The following ADGRV1 variants were observed in gnomAD, a reference collection of about 807,000 sequenced individuals.
ADGRV1 encodes the protein G-protein coupled receptor 98.
A neutral mutation model predicts 596.2 loss-of-function variants in ADGRV1; 359 were observed. The observed-to-expected ratio is 0.60, with a 90% CI of 0.55 to 0.66. The LOEUF (loss-of-function observed/expected upper bound fraction) is 0.66, where lower values mean the gene tolerates loss of function less well. ADGRV1 is among the 30% of genes least tolerant of loss of function. The pLI, the probability that ADGRV1 is intolerant of heterozygous loss-of-function variation, is 0.00. For missense variants in ADGRV1, 7,274 were observed against 7,575.6 expected (o/e 0.96, Z 1.48); for synonymous variants, 2,681 against 2,679.2 (o/e 1.00, Z -0.02).
chr5:90,911,452 A>G (rs370106817), intron 83 of ADGRV1, among the ~76,000 whole-genome samples: 1 of 152,308 alleles, frequency 6.6e-6, no homozygotes, highest in East Asian at 1.9e-4. Flanking sequence ...AAGGTCATTA[A>G]AAGATGTGAT....
rs1766283296 is a variant in ADGRV1, at chr5:90,849,644, C to T, written c.17204+823C>T. Among the ~76,000 whole-genome samples, 4 of 152,172 alleles carry T rather than the reference C, an allele frequency of 2.6e-5. No homozygotes were observed. The South Asian group carries it at 8.3e-4, about 31-fold the overall frequency. On this transcript the variant is annotated intron_variant, in intron 79 of 89. Transcript: ENST00000405460. ...GGCTCAAGCGATCCACCTGTCTTGG[C>T]TTCCCAAAATGCTGGGATTACAAGC...
intron 41 of ADGRV1, 86 bp downstream of exon 41, chr5:90,711,408 T>A: frequency 1.0e-6 from 1 of 963,520 alleles, no homozygotes. Context: ...TTAGGTCCCA[T>A]ATAAATAAAT....
rs539838876 is a variant in ADGRV1 at position 91,164,066 on chromosome 5, A to G, written c.*166A>G. 1.5e-5 allele frequency: 10 copies of G among 689,422 alleles called. No homozygotes were observed. Among genetic ancestry groups the G allele is most frequent in the Middle Eastern group, 3.5e-4 (1 of 2,858 alleles). The allele number at this position is 689,422 out of a possible 1,614,324, so 42.7% of individuals were successfully genotyped here. A position where few individuals can be genotyped will look rare whatever the true frequency, so the allele number is the denominator to read the frequency against. The stretch of plus-strand genomic sequence containing the variant: ...GAGTATAAATTACTGATTGTATGTG[A>G]CCTGAAAATTCACTGCTATAAGAAA... On this transcript the variant is annotated 3_prime_UTR_variant, in exon 90 of 90. Coordinates refer to ENST00000405460, the MANE Select transcript of ADGRV1 (RefSeq NM_032119.4).
chr5:90,936,401 A>T (rs1035588964), intron 83 of ADGRV1, among the ~76,000 whole-genome samples: 1 of 152,094 alleles, frequency 6.6e-6, no homozygotes, highest in African/African-American at 2.4e-5. Context: ...TAGGATTTTT[A>T]AAAAATGACA....
At chr5:90,745,927 C>T in intron 52 of ADGRV1, 132 bp downstream of exon 52, 1 of 604,984 alleles carries the variant, frequency 1.7e-6, no homozygotes, top group Admixed American at 2.9e-5. Flanking sequence ...CTTTCCCCTG[C>T]CTCCCTTTTA....
chr5:91,074,508 G>A (rs1788676842), intron 86 of ADGRV1, among the ~76,000 whole-genome samples: 1 of 151,960 alleles, frequency 6.6e-6, no homozygotes. Context: ...AGATGATCTC[G>A]GTTTTTTATG....
chr5:90,939,995 A>T (rs1304672617), intron 83 of ADGRV1, among the ~76,000 whole-genome samples: 1 of 152,216 alleles, frequency 6.6e-6, no homozygotes, highest in Non-Finnish European at 1.5e-5. Context: ...ATCTTCACAT[A>T]GTTCAGAAAT....
intron 54 of ADGRV1, 98 bp from the exon 55 acceptor site, chr5:90,754,885 C>G (rs1459790644): frequency 7.5e-6 from 6 of 802,644 alleles, no homozygotes; most frequent in Admixed American, 2.1e-5. Flanking sequence ...CCTTAACTGT[C>G]TACAAGGGAT....
chr5:90,810,360 C>T lies in ADGRV1; in HGVS notation c.15100C>T (p.His5034Tyr). Reference sequence around the variant, plus strand: ...ACATGTACAAAGACTATTTGGGTTCCACAGCGATCTTATTAAAGTTTCTTA... The same window carrying T: ...ACATGTACAAAGACTATTTGGGTTCTACAGCGATCTTATTAAAGTTTCTTA... ...RLHVQRLFGFHSDLIKVSYQT... is the reference protein window; with the variant it reads ...RLHVQRLFGFYSDLIKVSYQT... The change falls in exon 74 of 90, where the codon CAC becomes TAC. Residue 5034 changes from histidine to tyrosine, a missense_variant. His to Tyr is a moderately conservative substitution (Grantham distance 83, BLOSUM62 2). Around this residue, in one of 5 missense-constraint regions of ADGRV1, gnomAD observed 1,874 missense variants for 1,970.2 expected, o/e 0.95. Transcript: ENST00000405460. 1.2e-6 allele frequency: 2 copies of T among 1,613,544 alleles called. No homozygotes were observed. Among genetic ancestry groups the T allele is most frequent in the Non-Finnish European group, 1.7e-6 (2 of 1,179,762 alleles).
At position 91,037,608 on chromosome 5, in the gene ADGRV1, A is replaced by T. The variant is rs550209210; in HGVS notation, c.18153-34839A>T. 3.4e-4 allele frequency among the ~76,000 whole-genome samples: 52 copies of T among 152,358 alleles called. 1 individual carries two copies. The South Asian group carries it at 9.5e-3, about 28-fold the overall frequency. ...CCTTCAAGGAGCTAACAGTCTGGTGATAGTGACAGGCTTTAAACAGATAAG... is the reference window on the plus strand; with the variant it reads ...CCTTCAAGGAGCTAACAGTCTGGTGTTAGTGACAGGCTTTAAACAGATAAG... On this transcript the variant is annotated intron_variant, in intron 85 of 89. Transcript: ENST00000405460.
intron 77 of ADGRV1, among the ~76,000 whole-genome samples, chr5:90,836,618 C>T (rs1320277808): frequency 1.3e-5 from 2 of 152,038 alleles, no homozygotes; most frequent in Non-Finnish European, 2.9e-5. Context: ...AGTTAACATG[C>T]AGAATTCTTA....
chr5:90,857,541 A>G (rs976809928), intron 82 of ADGRV1, among the ~76,000 whole-genome samples: 2 of 152,118 alleles, frequency 1.3e-5, no homozygotes, highest in African/African-American at 4.8e-5. Context: ...GGCTACATGG[A>G]TTTGCTCATG....
At chr5:90,691,207 C>A in intron 31 of ADGRV1, 166 bp downstream of exon 31, 1 of 878,786 alleles carries the variant, frequency 1.1e-6, no homozygotes, top group Non-Finnish European at 1.8e-6. Flanking sequence ...TTGACAAAAG[C>A]AGGAATATTC....
intron 85 of ADGRV1, among the ~76,000 whole-genome samples, chr5:91,013,134 G>A (rs1454779557): frequency 6.6e-6 from 1 of 151,978 alleles, no homozygotes; most frequent in Non-Finnish European, 1.5e-5. Flanking sequence ...GTCATTGATG[G>A]CATTTAGGTT....
intron 83 of ADGRV1, among the ~76,000 whole-genome samples, chr5:90,924,375 T>C (rs1471852035): frequency 6.6e-6 from 1 of 152,086 alleles, no homozygotes; most frequent in African/African-American, 2.4e-5. Flanking sequence ...ATTTCTCTGA[T>C]GGCCAGTGAT....
At chr5:90,907,570 G>A (rs1772442650) in intron 83 of ADGRV1, among the ~76,000 whole-genome samples, 1 of 151,758 alleles carries the variant, frequency 6.6e-6, no homozygotes, top group Non-Finnish European at 1.5e-5. Context: ...TTTCCTTGTG[G>A]ATTCCGCAAT....
At chr5:90,910,637 G>A (rs768233410) in intron 83 of ADGRV1, among the ~76,000 whole-genome samples, 8 of 150,930 alleles carry the variant, frequency 5.3e-5, no homozygotes, top group Non-Finnish European at 1.0e-4. Context: ...TTAATTTTGA[G>A]AATAAACATA....
chr5:90,595,704 C>T (rs1404926938), intron 1 of ADGRV1, among the ~76,000 whole-genome samples: 10 of 133,706 alleles, frequency 7.5e-5, no homozygotes, highest in Middle Eastern at 4.5e-3. Context: ...GCTGGCCAGG[C>T]AGAGGGGCTC....
chr5:91,018,643 A>G (rs1783375515), intron 85 of ADGRV1, among the ~76,000 whole-genome samples: 2 of 152,020 alleles, frequency 1.3e-5, no homozygotes, highest in African/African-American at 4.8e-5. Flanking sequence ...TAAGAAATTA[A>G]TCTTAAATCC....
Sources: allele counts gnomAD v4.1 joint callset (sites outside exome capture counted in the v4.1 genomes callset), GRCh38; gene constraint gnomAD v4.1.1; regional missense constraint gnomAD v4.1.1; transcripts MANE v1.5; gene names NCBI Gene and HGNC (gene_info 2026-07-23, HGNC 2026-07-21).